Variants in PHC3 observed in about 807,000 individuals in gnomAD.
PHC3 encodes polyhomeotic homolog 3.
PHC3 carries 13 observed loss-of-function variants against 107.4 expected under a neutral mutation model. The ratio of observed to expected loss-of-function variants is 0.12; its 90% CI spans 0.08 to 0.19. The LOEUF (loss-of-function observed/expected upper bound fraction) is 0.19, where lower values mean the gene tolerates loss of function less well. Among genes scored for constraint, PHC3 ranks in the 10% least tolerant of loss-of-function variants. The probability of loss-of-function intolerance (pLI) is 1.00; values close to 1 mark genes in which losing one functional copy is unlikely to be tolerated. For missense variants in PHC3, 992 were observed against 1,210.9 expected, an observed-to-expected ratio of 0.82 and a Z score of 2.68; for synonymous variants, 456 against 427.4, an observed-to-expected ratio of 1.07 and a Z score of -0.83.
At chr3:170,120,188 A>C (rs980661201) in intron 9 of PHC3, among the ~76,000 whole-genome samples, 2 of 152,162 alleles carry the variant, frequency 1.3e-5, no homozygotes, top group Non-Finnish European at 2.9e-5. Flanking sequence ...CTTTAAATCA[A>C]AACTCCAGTT....
chr3:170,131,145 T>TA (rs35021791), intron 7 of PHC3, among the ~76,000 whole-genome samples: 41 of 136,362 alleles, frequency 3.0e-4, no homozygotes, highest in East Asian at 4.2e-4. Context: ...CACTAATTGT[T>TA]AAAAAAAAAA....
chr3:170,111,261 AGAAGGAAG>A (rs142477519), intron 11 of PHC3, among the ~76,000 whole-genome samples: 19,371 of 121,002 alleles, frequency 0.16, 1,712 homozygotes, highest in African/African-American at 0.18. Flanking sequence ...TAAAACAAGA[AGAAGGAAG>A]GAAGGAAGGA....
intron 14 of PHC3, chr3:170,102,153 T>A: frequency 1.0e-6 from 1 of 985,160 alleles, no homozygotes; most frequent in Non-Finnish European, 1.2e-6. Flanking sequence ...AAGGAAGAAG[T>A]GTCTGATTCA....
intron 6 of PHC3, among the ~76,000 whole-genome samples, chr3:170,138,689 C>CAAAAAAAAAA (rs11284597): frequency 2.5e-5 from 2 of 81,332 alleles, no homozygotes; most frequent in Non-Finnish European, 4.9e-5. Flanking sequence ...GACTCTGTCT[C>CAAAAAAAAAA]AAAAAAAAAA....
At position 170,097,290 on chromosome 3, in the gene PHC3, A is replaced by G. The variant is rs1714746483; in HGVS notation, c.2928T>C (p.Asn976=). ...LKEDHLMSAM[N]IKLGPALKIC... is the part of the protein sequence containing the mutation. ...TCTTCAGGGCTGGGCCTAGCTTGATATTCATTGCACTCATGAGATGGTCTT... is the reference window on the plus strand; with the variant it reads ...TCTTCAGGGCTGGGCCTAGCTTGATGTTCATTGCACTCATGAGATGGTCTT... The change falls in exon 15 of 15, where the codon AAT becomes AAC. Residue 976 remains asparagine, a synonymous_variant. Coordinates refer to ENST00000495893, the MANE Select transcript of PHC3 (RefSeq NM_024947.4). This position sits in a 1 kb window ranked among gnomAD's most constrained non-coding sequence, Gnocchi z 4.1. The G allele has an allele frequency of 1.9e-6, 3 of 1,613,466 alleles. No individual in the cohort carries two copies. The Admixed American group carries it at 5.0e-5, about 27-fold the overall frequency.
rs1335903001 is a variant in PHC3 at position 170,093,230 on chromosome 3, C to G, written c.*4000G>C. ...GCTGCCTCCCTTCCTAAAGTTAGCC[C>G]CCATACGAAATCCTCTCTAAGGATT... On this transcript the variant is annotated 3_prime_UTR_variant, in exon 15 of 15. Coordinates refer to ENST00000495893, the MANE Select transcript of PHC3 (RefSeq NM_024947.4). 6.6e-6 allele frequency: 1 copy of G among 152,170 alleles called. No homozygotes were observed. The highest frequency in any genetic ancestry group is 1.5e-5 in the Non-Finnish European group (1 of 68,064). The allele number at this position is 152,170 out of a possible 1,614,324, so 9.4% of individuals were successfully genotyped here.
intron 3 of PHC3, among the ~76,000 whole-genome samples, chr3:170,171,680 T>C (rs1203592468): frequency 6.6e-6 from 1 of 152,160 alleles, no homozygotes; most frequent in Non-Finnish European, 1.5e-5. Flanking sequence ...ATTAGCTACT[T>C]TATTGTCAGT....
chr3:170,122,782 A>G (rs1371277415), intron 8 of PHC3, 38 bp from the exon 9 acceptor site: 2 of 1,596,276 alleles, frequency 1.3e-6, no homozygotes, highest in Non-Finnish European at 8.5e-7. Flanking sequence ...AATGTTTCCA[A>G]AACTATATTT....
At chr3:170,115,963 C>T (rs552218136) in intron 10 of PHC3, among the ~76,000 whole-genome samples, 31 of 152,086 alleles carry the variant, frequency 2.0e-4, no homozygotes, top group African/African-American at 6.0e-4. Flanking sequence ...AAGATTTTCA[C>T]CCATGAATCT....
chr3:170,117,750 C>T (rs1157509516), intron 9 of PHC3, among the ~76,000 whole-genome samples: 1 of 151,234 alleles, frequency 6.6e-6, no homozygotes, highest in Non-Finnish European at 1.5e-5. Flanking sequence ...GTAATGCCAG[C>T]ACTTTGGGAG....
At chr3:170,130,463 C>T (rs1398587063) in intron 7 of PHC3, among the ~76,000 whole-genome samples, 5 of 152,014 alleles carry the variant, frequency 3.3e-5, no homozygotes, top group Admixed American at 1.3e-4. Flanking sequence ...AAGCAAAAGA[C>T]GTGTGTGAAT....
In PHC3 at chr3:170,094,887, G is replaced by A. The variant is rs1229957263; in HGVS notation, c.*2343C>T. On this transcript the variant is annotated 3_prime_UTR_variant, in exon 15 of 15. Coordinates refer to ENST00000495893, the MANE Select transcript of PHC3 (RefSeq NM_024947.4). Reference sequence around the variant, plus strand: ...AATAAGTACAGAATGGCTGCTATTAGGAAAGAGAACAAATAAAAGGAGAGC... The same window carrying A: ...AATAAGTACAGAATGGCTGCTATTAAGAAAGAGAACAAATAAAAGGAGAGC... 1.3e-5 allele frequency: 2 copies of A among 152,042 alleles called. No homozygotes were observed. Among genetic ancestry groups the A allele is most frequent in the Non-Finnish European group, 2.9e-5 (2 of 67,996 alleles). 9.4% of individuals were successfully genotyped at this position (152,042 alleles called of 1,614,324 possible). A position where few individuals can be genotyped will look rare whatever the true frequency, so the allele number is the denominator to read the frequency against.
rs1713733593 is a variant in PHC3, at chr3:170,088,571, T to C, written c.*8659A>G. The C allele has an allele frequency of 6.6e-6, 1 of 152,206 alleles. No individual in the cohort carries two copies. The highest frequency in any genetic ancestry group is 2.1e-4 in the South Asian group (1 of 4,832). The allele number at this position is 152,206 out of a possible 1,614,324, so 9.4% of individuals were successfully genotyped here. On this transcript the variant is annotated 3_prime_UTR_variant, in exon 15 of 15. Transcript: ENST00000495893. ...GAGAGGACTGGGAATCTAGTTTAAA[T>C]GTCTACATCCAAAATTATATCATCT... is the stretch of plus-strand genomic sequence containing the variant.
At chr3:170,142,301 T>A (rs1455366381) in intron 6 of PHC3, among the ~76,000 whole-genome samples, 1 of 152,146 alleles carries the variant, frequency 6.6e-6, no homozygotes, top group African/African-American at 2.4e-5. Flanking sequence ...CTTATAATAA[T>A]AAAATGGTAG....
chr3:170,105,489 T>TA (rs1716313907), intron 12 of PHC3, among the ~76,000 whole-genome samples: 1 of 152,204 alleles, frequency 6.6e-6, no homozygotes, highest in African/African-American at 2.4e-5. Context: ...GCAATTATAT[T>TA]AATTTTTTTC....
intron 7 of PHC3, among the ~76,000 whole-genome samples, chr3:170,133,170 G>A (rs533958438): frequency 7.3e-4 from 110 of 151,154 alleles, no homozygotes; most frequent in Middle Eastern, 3.4e-3. Flanking sequence ...AAATATCTTC[G>A]CTTCAGATTA....
In PHC3 at chr3:170,145,404, T is replaced by C. The variant is rs760142178; in HGVS notation, c.672+19A>G. On this transcript the variant is annotated intron_variant, in intron 6 of 14. Coordinates refer to ENST00000495893, the MANE Select transcript of PHC3 (RefSeq NM_024947.4). ...GATCCAGATCTCAAGTAACACATTA[T>C]GAAGCTAGACAAGCTCACCTGAGTA... 26 of 1,596,014 alleles carry C rather than the reference T, an allele frequency of 1.6e-5. No individual in the cohort carries two copies. The highest frequency in any genetic ancestry group is 8.9e-5 in the South Asian group (8 of 89,598).
chr3:170,128,986 G>A lies in PHC3; in HGVS notation c.1486C>T (p.Pro496Ser). The A allele has an allele frequency of 6.2e-7, 1 of 1,613,962 alleles. No homozygotes were observed. Among genetic ancestry groups the A allele is most frequent in the African/African-American group, 1.3e-5 (1 of 75,048 alleles). Reference sequence around the variant, plus strand: ...AGGGATGAATATTGCTGGTGTGATGGAGAGACAATCTGCTGGCCTGGGGAT... The same window carrying A: ...AGGGATGAATATTGCTGGTGTGATGAAGAGACAATCTGCTGGCCTGGGGAT... ...LVSPGQQIVS[P>S]SHQQYSSLQS... Residue 496 changes from proline to serine, a missense_variant, in exon 8 of 15, where the codon CCA becomes TCA. Transcript: ENST00000495893.
intron 4 of PHC3, chr3:170,171,079 A>G (rs1263628595): frequency 2.3e-6 from 1 of 442,080 alleles, no homozygotes; most frequent in Non-Finnish European, 3.9e-6. Context: ...CCTGCATTGT[A>G]TATTTTAGGC....
Sources: allele counts gnomAD v4.1 joint callset (sites outside exome capture counted in the v4.1 genomes callset), GRCh38; gene constraint gnomAD v4.1.1; non-coding constraint Gnocchi (gnomAD v3.1); transcripts MANE v1.5; gene names NCBI Gene and HGNC (gene_info 2026-07-23, HGNC 2026-07-21).